CEP131: variants seen among roughly 807,000 people sequenced by gnomAD.
CEP131 encodes centrosomal protein 131.
Under a neutral mutation model 136.8 loss-of-function variants are expected in CEP131, and 99 were observed. The ratio of observed to expected loss-of-function variants is 0.72; its 90% CI spans 0.62 to 0.86. The LOEUF is 0.86. Among genes scored for constraint, CEP131 ranks in the 40% least tolerant of loss-of-function variants. CEP131 has a pLI of 0.00. For synonymous variants in CEP131, 646 were observed against 612.7 expected, an observed-to-expected ratio of 1.05 and a Z score of -0.80; for missense variants, 1,459 against 1,463.0, an observed-to-expected ratio of 1.00 and a Z score of 0.04.
At position 81,203,326 on chromosome 17, in the gene CEP131, C is replaced by G. The variant is rs1159135893; in HGVS notation, c.629+168G>C. Among the ~76,000 whole-genome samples the G allele has an allele frequency of 3.9e-5, 6 of 152,204 alleles. No individual in the cohort carries two copies. Among genetic ancestry groups the G allele is most frequent in the Non-Finnish European group, 7.4e-5 (5 of 68,024 alleles). ...GGTTTTACGTGCACTGACCACGTGC[C>G]CTGACCGAGGTTGGACCCCATGCAC... On this transcript the variant is annotated intron_variant, in intron 6 of 25. Coordinates refer to ENST00000450824, the MANE Select transcript of CEP131 (RefSeq NM_014984.4). This position sits in a 1 kb window ranked among gnomAD's most constrained non-coding sequence, Gnocchi z 4.6.
Position 81,200,453 on chromosome 17 carries a change from G to A in CEP131, c.789-7C>T, listed in dbSNP as rs1051562528. 24 of 1,539,914 alleles carry A rather than the reference G, an allele frequency of 1.6e-5. No individual in the cohort carries two copies. Among genetic ancestry groups the A allele is most frequent in the African/African-American group, 5.5e-5 (4 of 72,834 alleles). ...GTTCACCTGGTGGATAAACCTGCCC[G>A]GAGAGCAGGACTCAGGGCCAAGACA... On this transcript the variant is annotated splice_region_variant and splice_polypyrimidine_tract_variant and intron_variant, in intron 7 of 25. Coordinates refer to ENST00000450824, the MANE Select transcript of CEP131 (RefSeq NM_014984.4).
intron 15 of CEP131, 31 bp from the exon 16 acceptor site, chr17:81,195,982 A>C (rs1598276622): frequency 6.3e-7 from 1 of 1,575,410 alleles, no homozygotes; most frequent in Admixed American, 1.7e-5. Flanking sequence ...GAGGTGCTAC[A>C]CCAAGGCCCC....
Position 81,192,356 on chromosome 17 carries a change from C to T in CEP131, c.2584G>A (p.Glu862Lys), listed in dbSNP as rs2061658384. 1 of 1,588,252 alleles carries T rather than the reference C, an allele frequency of 6.3e-7. No individual in the cohort carries two copies. Among genetic ancestry groups the T allele is most frequent in the Non-Finnish European group, 8.6e-7 (1 of 1,168,728 alleles). The change falls in exon 21 of 26, where the codon GAG (glutamate) becomes AAG (lysine). Residue 862 changes from glutamate (E) to lysine (K), a missense_variant. By Grantham distance (56) the Glu-to-Lys change is moderately conservative. This residue lies in a region of CEP131 where 1,026 missense variants were observed against 964.2 expected (regional missense o/e 1.06). Transcript: ENST00000450824. ...CGGCCGGCCTCCCACGCCTGCCTCT[C>T]CAGCTCCAGCTGCTGCTTCAGGGTA... ...LNTLKQQLEL[E>K]RQAWEAGRTR...
At chr17:81,217,890 C>G (rs1209711078) in intron 2 of CEP131, among the ~76,000 whole-genome samples, 4 of 152,148 alleles carry the variant, frequency 2.6e-5, no homozygotes, top group Admixed American at 2.0e-4. Context: ...GTGCCTGGGT[C>G]GGCCGCGGAT....
Position 81,197,898 on chromosome 17 carries a change from A to G in CEP131, c.1471-10T>C. The G allele has an allele frequency of 6.2e-7, 1 of 1,608,856 alleles. No individual in the cohort carries two copies. The highest frequency in any genetic ancestry group is 8.5e-7 in the Non-Finnish European group (1 of 1,176,964). On this transcript the variant is annotated splice_polypyrimidine_tract_variant and intron_variant, in intron 12 of 25. Transcript: ENST00000450824. ...AGCTGGCGTCATCCTCCTGTGGGAC[A>G]GGAGCCCAGCATCGGGGGCTGTCAG...
In CEP131 at chr17:81,189,855, C is replaced by G; in HGVS notation, c.3169-12G>C. 2.5e-6 allele frequency: 4 copies of G among 1,612,386 alleles called. No homozygotes were observed. The South Asian group carries it at 4.4e-5, about 18-fold the overall frequency. Reference sequence around the variant, plus strand: ...CGCTTCACCGCAGCCTGCAGCACACCCACAGGGTCAGGCCTGCTCCCAGCC... The same window carrying G: ...CGCTTCACCGCAGCCTGCAGCACACGCACAGGGTCAGGCCTGCTCCCAGCC... On this transcript the variant is annotated splice_polypyrimidine_tract_variant and intron_variant, in intron 25 of 25. Transcript: ENST00000450824.
intron 2 of CEP131, among the ~76,000 whole-genome samples, chr17:81,214,864 C>T (rs894127411): frequency 6.6e-6 from 1 of 151,922 alleles, no homozygotes; most frequent in Non-Finnish European, 1.5e-5. Flanking sequence ...GTTCCGCCTC[C>T]TGGGTTCACG....
intron 2 of CEP131, among the ~76,000 whole-genome samples, chr17:81,212,067 C>A (rs1037170947): frequency 4.6e-5 from 7 of 151,928 alleles, no homozygotes; most frequent in African/African-American, 1.7e-4. Flanking sequence ...GTAATCCCAG[C>A]ACTTTGAGAG....
At chr17:81,211,639 T>C (rs1443397924) in intron 2 of CEP131, among the ~76,000 whole-genome samples, 1 of 152,156 alleles carries the variant, frequency 6.6e-6, no homozygotes, top group Non-Finnish European at 1.5e-5. Flanking sequence ...AGGGTCTAAA[T>C]ACGTGATTTG....
At chr17:81,192,291 T>G (rs1344754147) in intron 21 of CEP131, 27 bp downstream of exon 21, 8 of 1,537,932 alleles carry the variant, frequency 5.2e-6, no homozygotes, top group Non-Finnish European at 7.0e-6. Context: ...CCCCAACCCC[T>G]GCCCACCTGG....
chr17:81,207,513 T>TC (rs1294155014), intron 3 of CEP131, among the ~76,000 whole-genome samples: 2 of 151,804 alleles, frequency 1.3e-5, no homozygotes, highest in African/African-American at 4.8e-5. Flanking sequence ...TCTTTTCTTT[T>TC]TTTTTTTTTT....
chr17:81,217,166 G>A (rs2062265753), intron 2 of CEP131, among the ~76,000 whole-genome samples: 2 of 152,162 alleles, frequency 1.3e-5, no homozygotes, highest in South Asian at 4.1e-4. Flanking sequence ...TAATGATCTA[G>A]GGGGCTAGAG....
intron 21 of CEP131, 123 bp from the exon 22 acceptor site, chr17:81,191,458 C>G (rs905282659): frequency 2.7e-5 from 23 of 865,810 alleles, no homozygotes; most frequent in Non-Finnish European, 3.9e-5. Flanking sequence ...GGCCTTCCCC[C>G]TCTCCAGACC....
At chr17:81,192,884 G>T in intron 18 of CEP131, 41 bp from the exon 19 acceptor site, 3 of 1,574,136 alleles carry the variant, frequency 1.9e-6, no homozygotes, top group South Asian at 1.1e-5. Flanking sequence ...GCCGGGACGG[G>T]CGGTCCCAGG....
intron 10 of CEP131, 31 bp from the exon 11 acceptor site, chr17:81,199,002 G>A: frequency 1.3e-6 from 2 of 1,493,176 alleles, no homozygotes; most frequent in Non-Finnish European, 8.9e-7. Context: ...CCATTCCACA[G>A]GGAGCATCCC....
Position 81,192,310 on chromosome 17 carries a change from G to A in CEP131, c.2622+8C>T. On this transcript the variant is annotated splice_region_variant and intron_variant, in intron 21 of 25. Transcript: ENST00000450824. ...AACCCCTGCCCACCTGGGTGCCCAGGCCCCCACCTCCTTCCTGGTGCGGCC... is the reference window on the plus strand; with the variant it reads ...AACCCCTGCCCACCTGGGTGCCCAGACCCCCACCTCCTTCCTGGTGCGGCC... The A allele has an allele frequency of 6.4e-7, 1 of 1,550,544 alleles. No individual in the cohort carries two copies. The highest frequency in any genetic ancestry group is 2.2e-4 in the Middle Eastern group (1 of 4,492).
rs375320160 is a variant in CEP131 at position 81,195,959 on chromosome 17, G to A, written c.1900-8C>T. 6.9e-5 allele frequency: 110 copies of A among 1,605,152 alleles called. No individual in the cohort carries two copies. The highest frequency in any genetic ancestry group is 5.0e-4 in the Middle Eastern group (3 of 6,054). On this transcript the variant is annotated splice_polypyrimidine_tract_variant and splice_region_variant and intron_variant, in intron 15 of 25. Coordinates refer to ENST00000450824, the MANE Select transcript of CEP131 (RefSeq NM_014984.4). ...CTTCTTGTCCTCAATCAGCTGTGTTGGGGACCGGAGGTGAGGTGCTACACC... is the reference window on the plus strand; with the variant it reads ...CTTCTTGTCCTCAATCAGCTGTGTTAGGGACCGGAGGTGAGGTGCTACACC...
intron 9 of CEP131, 66 bp from the exon 10 acceptor site, chr17:81,199,615 T>C (rs1202919146): frequency 1.3e-6 from 2 of 1,592,372 alleles, no homozygotes; most frequent in Middle Eastern, 2.1e-4. Flanking sequence ...ACAGCCAAGC[T>C]GCCCTGAGGC....
intron 2 of CEP131, among the ~76,000 whole-genome samples, chr17:81,211,315 G>A (rs781617199): frequency 6.6e-6 from 1 of 152,236 alleles, no homozygotes; most frequent in Non-Finnish European, 1.5e-5. Context: ...AACAGCAGGA[G>A]AGGAAGGGCC....
Sources: gnomAD v4.1 joint callset for allele counts (sites outside exome capture counted in the v4.1 genomes callset) on GRCh38, gnomAD v4.1.1 for gene constraint, gnomAD v4.1.1 regional missense constraint, Gnocchi (gnomAD v3.1) non-coding constraint, MANE v1.5 for transcripts, NCBI Gene and HGNC (gene_info 2026-07-23, HGNC 2026-07-21) for gene names.